The following ADGRB3 variants were observed in gnomAD, a reference collection of about 807,000 sequenced individuals.
ADGRB3 encodes adhesion G protein-coupled receptor B3.
In ADGRB3, 37 loss-of-function variants were observed where a neutral mutation model predicts 193.4. The ratio of observed to expected loss-of-function variants is 0.19; its 90% CI spans 0.15 to 0.25. The LOEUF (loss-of-function observed/expected upper bound fraction) is 0.25. ADGRB3 is among the 10% of genes least tolerant of loss of function. The pLI, the probability that ADGRB3 is intolerant of heterozygous loss-of-function variation, is 1.00. For missense variants in ADGRB3, 1,637 were observed against 1,852.9 expected (o/e 0.88, Z 2.14); for synonymous variants, 690 against 644.2 (o/e 1.07, Z -1.08).
intron 17 of ADGRB3, among the ~76,000 whole-genome samples, chr6:69,096,783 T>A (rs1364279809): frequency 6.6e-6 from 1 of 152,224 alleles, no homozygotes. Context: ...AATACCTTTC[T>A]GACCTCTTTA....
intron 3 of ADGRB3, among the ~76,000 whole-genome samples, chr6:68,919,387 T>C (rs1461814320): frequency 6.6e-6 from 1 of 152,210 alleles, no homozygotes; most frequent in Non-Finnish European, 1.5e-5. Context: ...TGATTATTTC[T>C]TTTAATAAAT....
intron 3 of ADGRB3, among the ~76,000 whole-genome samples, chr6:68,883,467 A>G (rs1038833694): frequency 1.3e-5 from 2 of 152,176 alleles, no homozygotes; most frequent in Non-Finnish European, 2.9e-5. Context: ...TCTTTGCAAT[A>G]AATCTTGTTG....
rs183180758 is a variant in ADGRB3 at position 68,723,829 on chromosome 6, G to A, written c.757+84397G>A. On this transcript the variant is annotated intron_variant, in intron 3 of 31. Coordinates refer to ENST00000370598, the MANE Select transcript of ADGRB3 (RefSeq NM_001704.3). The stretch of plus-strand genomic sequence containing the variant: ...CTACAAACGGTGGTTCTCAACTGGA[G>A]ATTATTTTGCCCCCAGCGGACATTT... Among the ~76,000 whole-genome samples the A allele has an allele frequency of 2.9e-3, 447 of 151,752 alleles. 2 individuals are homozygous for A. The highest frequency in any genetic ancestry group is 6.8e-3 in the Middle Eastern group (2 of 294).
chr6:68,792,751 G>A (rs1452469094), intron 3 of ADGRB3, among the ~76,000 whole-genome samples: 2 of 152,088 alleles, frequency 1.3e-5, no homozygotes, highest in African/African-American at 4.8e-5. Flanking sequence ...CAGAAACAAG[G>A]ATACCCTGGT....
intron 3 of ADGRB3, among the ~76,000 whole-genome samples, chr6:68,721,819 C>T (rs1332048098): frequency 1.5e-4 from 22 of 150,866 alleles, no homozygotes; most frequent in Admixed American, 1.4e-3. Flanking sequence ...GTAAATTCTT[C>T]TTTCCCAATA....
intron 11 of ADGRB3, among the ~76,000 whole-genome samples, chr6:68,995,416 T>C (rs1243253679): frequency 2.6e-5 from 4 of 152,170 alleles, no homozygotes; most frequent in African/African-American, 9.7e-5. Context: ...TTCAAAATTC[T>C]TATGTGTGCA....
At chr6:69,191,797 G>A (rs1162367953) in intron 17 of ADGRB3, among the ~76,000 whole-genome samples, 1 of 151,974 alleles carries the variant, frequency 6.6e-6, no homozygotes, top group African/African-American at 2.4e-5. Flanking sequence ...AGAGGGAGTG[G>A]GGGAGACCAT....
At chr6:68,714,157 A>G (rs1318389734) in intron 3 of ADGRB3, among the ~76,000 whole-genome samples, 1 of 151,724 alleles carries the variant, frequency 6.6e-6, no homozygotes, top group Non-Finnish European at 1.5e-5. Flanking sequence ...AAATACTTGC[A>G]TGCCTTTGTG....
intron 31 of ADGRB3, 59 bp downstream of exon 31, chr6:69,382,994 T>C (rs530806796): frequency 8.3e-7 from 1 of 1,210,558 alleles, no homozygotes; most frequent in East Asian, 2.6e-5. Flanking sequence ...ATATTATTCC[T>C]GCCTTCCAGG....
chr6:69,052,211 A>G (rs949424986), intron 15 of ADGRB3, among the ~76,000 whole-genome samples: 3 of 152,212 alleles, frequency 2.0e-5, no homozygotes, highest in Non-Finnish European at 4.4e-5. Context: ...CTGATAAAAT[A>G]TCGTATATAA....
At chr6:69,140,587 C>G (rs1774306218) in intron 17 of ADGRB3, among the ~76,000 whole-genome samples, 1 of 151,798 alleles carries the variant, frequency 6.6e-6, no homozygotes, top group African/African-American at 2.4e-5. Flanking sequence ...AGCATTTAAT[C>G]GCAAAACAGG....
At chr6:69,289,070 T>G (rs1207716578) in intron 20 of ADGRB3, among the ~76,000 whole-genome samples, 1 of 152,142 alleles carries the variant, frequency 6.6e-6, no homozygotes, top group Non-Finnish European at 1.5e-5. Context: ...GTCCCTATCC[T>G]GAGGCTTTTT....
At chr6:68,862,131 AC>A (rs34902902) in intron 3 of ADGRB3, among the ~76,000 whole-genome samples, 15,095 of 139,648 alleles carry the variant, frequency 0.11, 790 homozygotes, top group Non-Finnish European at 0.12. Context: ...AGGAGGAGGG[AC>A]CCCCCCCCCC....
intron 20 of ADGRB3, among the ~76,000 whole-genome samples, chr6:69,272,846 T>C (rs945517885): frequency 1.3e-5 from 2 of 152,132 alleles, no homozygotes; most frequent in Non-Finnish European, 2.9e-5. Flanking sequence ...AATAAATAAG[T>C]TTTGAATAAT....
At chr6:69,140,740 A>G (rs1370682176) in intron 17 of ADGRB3, among the ~76,000 whole-genome samples, 3 of 152,202 alleles carry the variant, frequency 2.0e-5, no homozygotes, top group Non-Finnish European at 4.4e-5. Flanking sequence ...TGGTATGCCT[A>G]TATCATAATA....
At position 68,859,466 on chromosome 6, in the gene ADGRB3, G is replaced by C. The variant is rs191470753; in HGVS notation, c.758-71093G>C. On this transcript the variant is annotated intron_variant, in intron 3 of 31. Transcript: ENST00000370598. ...GTATTCGTCTGTTCTCACACTGCTAGTAAACATGTACCTGAGACTGGGTAA... is the reference window on the plus strand; with the variant it reads ...GTATTCGTCTGTTCTCACACTGCTACTAAACATGTACCTGAGACTGGGTAA... 6.3e-4 allele frequency among the ~76,000 whole-genome samples: 96 copies of C among 152,252 alleles called. 1 individual carries two copies. Among genetic ancestry groups the C allele is most frequent in the African/African-American group, 2.1e-3 (86 of 41,540 alleles).
chr6:68,867,804 C>A (rs1288914395), intron 3 of ADGRB3, among the ~76,000 whole-genome samples: 1 of 152,156 alleles, frequency 6.6e-6, no homozygotes, highest in African/African-American at 2.4e-5. Context: ...AATGACTGTC[C>A]TGCTGGGTTT....
chr6:69,010,621 A>C (rs973512535), intron 11 of ADGRB3, among the ~76,000 whole-genome samples: 3 of 152,016 alleles, frequency 2.0e-5, no homozygotes, highest in Non-Finnish European at 4.4e-5. Context: ...TATAAAGCAT[A>C]GGTGGGCAAC....
At chr6:68,942,329 G>A (rs1767664543) in intron 5 of ADGRB3, among the ~76,000 whole-genome samples, 1 of 151,938 alleles carries the variant, frequency 6.6e-6, no homozygotes, top group African/African-American at 2.4e-5. Flanking sequence ...CAATGTTAAA[G>A]AAAAAAATGA....
Sources: allele counts gnomAD v4.1 joint callset (sites outside exome capture counted in the v4.1 genomes callset), GRCh38; gene constraint gnomAD v4.1.1; transcripts MANE v1.5; gene names NCBI Gene and HGNC (gene_info 2026-07-23, HGNC 2026-07-21).